MLLT3: variants seen among roughly 807,000 people sequenced by gnomAD.
The protein encoded by MLLT3 is protein AF-9.
A neutral mutation model predicts 53.2 loss-of-function variants in MLLT3; 4 were observed. The ratio of observed to expected loss-of-function variants is 0.08; its 90% CI spans 0.04 to 0.17. MLLT3 has a LOEUF of 0.17. Among genes scored for constraint, MLLT3 ranks in the 10% least tolerant of loss-of-function variants. The pLI, the probability that MLLT3 is intolerant of heterozygous loss-of-function variation, is 1.00. For missense variants in MLLT3, 569 were observed against 684.0 expected (o/e 0.83, Z 1.87); for synonymous variants, 283 against 230.6 (o/e 1.23, Z -2.06).
intron 10 of MLLT3, among the ~76,000 whole-genome samples, chr9:20,349,177 A>G (rs1411222234): frequency 6.6e-6 from 1 of 152,224 alleles, no homozygotes; most frequent in Admixed American, 6.5e-5. Flanking sequence ...CTGACTCTGC[A>G]AACTTTTTCA....
chr9:20,591,801 A>C (rs1159033347), intron 2 of MLLT3, among the ~76,000 whole-genome samples: 1 of 152,222 alleles, frequency 6.6e-6, no homozygotes, highest in Non-Finnish European at 1.5e-5. Context: ...GTTTCTAAGG[A>C]ACATGAAACT....
chr9:20,588,736 T>C (rs1208239417), intron 2 of MLLT3, among the ~76,000 whole-genome samples: 2 of 152,174 alleles, frequency 1.3e-5, no homozygotes, highest in Non-Finnish European at 2.9e-5. Flanking sequence ...CTTAAGGAGA[T>C]TTTGGGCTGA....
chr9:20,588,774 C>T (rs1820047158), intron 2 of MLLT3, among the ~76,000 whole-genome samples: 1 of 152,182 alleles, frequency 6.6e-6, no homozygotes, highest in Admixed American at 6.5e-5. Context: ...GATATACAAT[C>T]ATGTCATCTG....
chr9:20,606,111 T>A (rs1009117888), intron 2 of MLLT3, among the ~76,000 whole-genome samples: 1 of 152,100 alleles, frequency 6.6e-6, no homozygotes, highest in African/African-American at 2.4e-5. Context: ...CGTAAAACTA[T>A]CCCTGCGTAT....
At chr9:20,607,341 C>T (rs1378172472) in intron 2 of MLLT3, among the ~76,000 whole-genome samples, 1 of 152,132 alleles carries the variant, frequency 6.6e-6, no homozygotes, top group Non-Finnish European at 1.5e-5. Flanking sequence ...CATCTGTACT[C>T]ATTGTGCCAA....
intron 2 of MLLT3, among the ~76,000 whole-genome samples, chr9:20,497,955 C>T (rs910113733): frequency 3.3e-5 from 5 of 152,080 alleles, no homozygotes; most frequent in African/African-American, 4.8e-5. Flanking sequence ...GGTGCAGTGG[C>T]TCATGCTTGT....
At chr9:20,481,293 C>G (rs1190340904) in intron 2 of MLLT3, among the ~76,000 whole-genome samples, 1 of 152,138 alleles carries the variant, frequency 6.6e-6, no homozygotes, top group Non-Finnish European at 1.5e-5. Flanking sequence ...AGATTTTGGC[C>G]AAATCCTGAT....
chr9:20,594,345 C>T (rs1310363813), intron 2 of MLLT3, among the ~76,000 whole-genome samples: 1 of 152,142 alleles, frequency 6.6e-6, no homozygotes, highest in African/African-American at 2.4e-5. Context: ...TCTGACTGAG[C>T]TCCTCTCTAC....
chr9:20,459,228 C>A (rs1824047804), intron 2 of MLLT3, among the ~76,000 whole-genome samples: 1 of 152,134 alleles, frequency 6.6e-6, no homozygotes, highest in Non-Finnish European at 1.5e-5. Context: ...AGGAAAATTG[C>A]CCCAAACTGA....
intron 5 of MLLT3, among the ~76,000 whole-genome samples, chr9:20,402,268 A>G (rs979800511): frequency 1.2e-4 from 18 of 152,214 alleles, no homozygotes; most frequent in African/African-American, 4.3e-4. Flanking sequence ...GAACAGTTTC[A>G]AGAGCAAAAG....
rs779982285 is a variant in MLLT3 at position 20,346,503 on chromosome 9, C to A, written c.1647G>T (p.Ser549=). 1 of 1,612,972 alleles carries A rather than the reference C, an allele frequency of 6.2e-7. No individual in the cohort carries two copies. The highest frequency in any genetic ancestry group is 1.1e-5 in the South Asian group (1 of 91,022). The part of the protein sequence containing the change: ...TNTTFDFDLC[S]LDKTTVRKLQ... Reference sequence around the variant, plus strand: ...GTTTACGGACTGTGGTTTTGTCCAGCGAGCAAAGATCAAAATCAAATGTTG... The same window carrying A: ...GTTTACGGACTGTGGTTTTGTCCAGAGAGCAAAGATCAAAATCAAATGTTG... The change falls in exon 11 of 11, where the codon TCG becomes TCT. Residue 549 remains serine (S), a synonymous_variant. Transcript: ENST00000380338.
At chr9:20,534,165 G>C (rs147866707) in intron 2 of MLLT3, among the ~76,000 whole-genome samples, 1 of 152,042 alleles carries the variant, frequency 6.6e-6, no homozygotes. Flanking sequence ...GGGATATTTC[G>C]AAAGAGAAAT....
intron 2 of MLLT3, among the ~76,000 whole-genome samples, chr9:20,464,330 C>A (rs1057472607): frequency 3.3e-5 from 5 of 152,098 alleles, no homozygotes; most frequent in Non-Finnish European, 7.4e-5. Flanking sequence ...ACGAGTCCTG[C>A]TCAGTCTAAC....
At chr9:20,376,099 A>G in intron 5 of MLLT3, among the ~76,000 whole-genome samples, 1 of 152,194 alleles carries the variant, frequency 6.6e-6, no homozygotes, top group Non-Finnish European at 1.5e-5. Flanking sequence ...CAAGAAAAAA[A>G]TACCATTTAA....
intron 4 of MLLT3, among the ~76,000 whole-genome samples, chr9:20,445,695 T>C (rs1237668371): frequency 1.3e-5 from 2 of 152,108 alleles, no homozygotes; most frequent in Admixed American, 1.3e-4. Context: ...AGCCAAACAC[T>C]AAGTTTACTC....
At chr9:20,590,065 G>GAA (rs1406509689) in intron 2 of MLLT3, among the ~76,000 whole-genome samples, 1 of 152,122 alleles carries the variant, frequency 6.6e-6, no homozygotes, top group African/African-American at 2.4e-5. Flanking sequence ...TGTGGATAAT[G>GAA]AACAGCCCAT....
rs866128799 is a variant in MLLT3 at position 20,345,472 on chromosome 9, T to C, written c.*971A>G. The C allele has an allele frequency of 1.9e-5, 4 of 205,650 alleles. No individual in the cohort carries two copies. The highest frequency in any genetic ancestry group is 4.0e-5 in the Non-Finnish European group (4 of 100,538). 12.7% of individuals were successfully genotyped at this position (205,650 alleles called of 1,614,324 possible). ...TTAAGAATTTCTACAACAGTTTTTT[T>C]TTTTAGAAAACAGGACCAGAATTCT... On this transcript the variant is annotated 3_prime_UTR_variant, in exon 11 of 11. Transcript: ENST00000380338.
At chr9:20,577,023 C>T (rs1345597370) in intron 2 of MLLT3, among the ~76,000 whole-genome samples, 1 of 152,112 alleles carries the variant, frequency 6.6e-6, no homozygotes, top group Non-Finnish European at 1.5e-5. Flanking sequence ...ATGAAGTATA[C>T]CTGTACTTTA....
At chr9:20,611,748 G>C (rs1395687199) in intron 2 of MLLT3, among the ~76,000 whole-genome samples, 1 of 151,996 alleles carries the variant, frequency 6.6e-6, no homozygotes, top group Non-Finnish European at 1.5e-5. Flanking sequence ...TATCTTTTTA[G>C]AAATTCTATC....
Sources: allele counts gnomAD v4.1 joint callset (sites outside exome capture counted in the v4.1 genomes callset), GRCh38; gene constraint gnomAD v4.1.1; transcripts MANE v1.5; gene names NCBI Gene and HGNC (gene_info 2026-07-23, HGNC 2026-07-21).